AGPAT1: variants seen among roughly 807,000 people sequenced by gnomAD.
AGPAT1 encodes 1-acylglycerol-3-phosphate O-acyltransferase 1, also known as 1-acyl-sn-glycerol-3-phosphate acyltransferase alpha.
Under a neutral mutation model 31.2 loss-of-function variants are expected in AGPAT1, and 6 were observed. That is an observed-to-expected ratio of 0.19 (90% CI 0.11 to 0.38). AGPAT1 has a LOEUF of 0.38. Among genes scored for constraint, AGPAT1 ranks in the 10% least tolerant of loss-of-function variants. AGPAT1 has a pLI of 1.00. For synonymous variants in AGPAT1, 139 were observed against 154.0 expected (o/e 0.90, Z 0.72); for missense variants, 187 against 377.8 (o/e 0.49, Z 4.19).
Position 32,170,904 on chromosome 6 carries a change from C to G in AGPAT1, c.334+33G>C, listed in dbSNP as rs1279364008. The stretch of plus-strand genomic sequence containing the variant: ...GAAGGTTTCAGGAGGGGAGGCATGG[C>G]TGGGGGAGGTGTGCCCTGTGGTGGG... On this transcript the variant is annotated intron_variant, in intron 3 of 6. Coordinates refer to ENST00000375107, the MANE Select transcript of AGPAT1 (RefSeq NM_006411.4). The surrounding 1 kb of genome is among the most constrained non-coding windows in gnomAD (Gnocchi z 7.7). 6.3e-7 allele frequency: 1 copy of G among 1,593,210 alleles called. No individual in the cohort carries two copies. The highest frequency in any genetic ancestry group is 8.6e-7 in the Non-Finnish European group (1 of 1,166,108).
chr6:32,175,749 T>C lies in AGPAT1; in HGVS notation c.-10+65A>G. The C allele has an allele frequency of 1.1e-6, 1 of 880,998 alleles. No homozygotes were observed. The highest frequency in any genetic ancestry group is 1.4e-6 in the Non-Finnish European group (1 of 734,676). The allele number at this position is 880,998 out of a possible 1,614,324, so 54.6% of individuals were successfully genotyped here. ...CCCTCCCAGACCCAATCTCTCCCCT[T>C]CCCCTCATCCTAGTCGCTTTCAGCA... On this transcript the variant is annotated intron_variant, in intron 1 of 6. Coordinates refer to ENST00000375107, the MANE Select transcript of AGPAT1 (RefSeq NM_006411.4). The surrounding 1 kb of genome is among the most constrained non-coding windows in gnomAD (Gnocchi z 4.5).
Position 32,168,213 on chromosome 6 carries a change from C to T in AGPAT1, c.*1063G>A. The T allele has an allele frequency of 8.4e-6, 4 of 473,466 alleles. No individual in the cohort carries two copies. The highest frequency in any genetic ancestry group is 1.5e-5 in the Non-Finnish European group (4 of 264,140). The allele number at this position is 473,466 out of a possible 1,614,324, so 29.3% of individuals were successfully genotyped here. A position where few individuals can be genotyped will look rare whatever the true frequency, so the allele number is the denominator to read the frequency against. On this transcript the variant is annotated 3_prime_UTR_variant, in exon 7 of 7. Transcript: ENST00000375107. This position sits in a 1 kb window ranked among gnomAD's most constrained non-coding sequence, Gnocchi z 4.5. Reference sequence around the variant, plus strand: ...CAAATGCAACCACCAACACCCAGATCTCTCTCTCTCTTTATTTTCAGTTTT... The same window carrying T: ...CAAATGCAACCACCAACACCCAGATTTCTCTCTCTCTTTATTTTCAGTTTT...
In AGPAT1 at chr6:32,170,092, A is replaced by G; in HGVS notation, c.607-54T>C. 1 of 1,609,788 alleles carries G rather than the reference A, an allele frequency of 6.2e-7. No individual in the cohort carries two copies. Among genetic ancestry groups the G allele is most frequent in the South Asian group, 1.1e-5 (1 of 90,956 alleles). On this transcript the variant is annotated intron_variant, in intron 5 of 6. Coordinates refer to ENST00000375107, the MANE Select transcript of AGPAT1 (RefSeq NM_006411.4). This position sits in a 1 kb window ranked among gnomAD's most constrained non-coding sequence, Gnocchi z 7.7. ...ACAGCTCTCTTCAGAGACTCCTACA[A>G]TAAGCCCCTGCCCAGAGATGAGGGA...
At position 32,169,837 on chromosome 6, in the gene AGPAT1, T is replaced by C. The variant is rs1784905510; in HGVS notation, c.679+129A>G. 2.4e-6 allele frequency: 2 copies of C among 844,890 alleles called. No homozygotes were observed. The highest frequency in any genetic ancestry group is 3.4e-5 in the African/African-American group (2 of 59,376). The allele number at this position is 844,890 out of a possible 1,614,324, so 52.3% of individuals were successfully genotyped here. ...TGCTTAGTAAAGACTTATTGGCTGA[T>C]GTGGGGTTAGACTAGATGACTGTGT... On this transcript the variant is annotated intron_variant, in intron 6 of 6. Coordinates refer to ENST00000375107, the MANE Select transcript of AGPAT1 (RefSeq NM_006411.4). This position sits in a 1 kb window ranked among gnomAD's most constrained non-coding sequence, Gnocchi z 5.9.
At chr6:32,177,781 C>G (rs1306125100), upstream of AGPAT1, 1 of 152,140 alleles carries the variant, frequency 6.6e-6, no homozygotes, top group Non-Finnish European at 1.5e-5. Context: ...TTCCCGATGT[C>G]GGCCAATCAG....
rs370644269 is a variant in AGPAT1 at position 32,171,588 on chromosome 6, G to A, written c.-9-83C>T. The A allele has an allele frequency of 6.6e-7, 1 of 1,512,146 alleles. No individual in the cohort carries two copies. Among genetic ancestry groups the A allele is most frequent in the Non-Finnish European group, 8.8e-7 (1 of 1,130,620 alleles). 93.7% of individuals were successfully genotyped at this position (1,512,146 alleles called of 1,614,324 possible). On this transcript the variant is annotated intron_variant, in intron 1 of 6. Transcript: ENST00000375107. This position sits in a 1 kb window ranked among gnomAD's most constrained non-coding sequence, Gnocchi z 6.9. The stretch of plus-strand genomic sequence containing the variant: ...CAAGGCACAGAAGGCAGGGCTGGGG[G>A]CTGGTGCTATGAGGACAAGGGCCTG...
In AGPAT1 at chr6:32,175,556, A is replaced by G. The variant is rs1331421633; in HGVS notation, c.-10+258T>C. ...GGAAGGTGTAGGGAATTCCCTCTCC[A>G]GGATTCCCTGTGCACGCTCCCAGTC... is the stretch of plus-strand genomic sequence containing the variant. On this transcript the variant is annotated intron_variant, in intron 1 of 6. Transcript: ENST00000375107. The surrounding 1 kb of genome is among the most constrained non-coding windows in gnomAD (Gnocchi z 4.5). 1.3e-5 allele frequency among the ~76,000 whole-genome samples: 2 copies of G among 151,996 alleles called. No individual in the cohort carries two copies. The highest frequency in any genetic ancestry group is 2.9e-5 in the Non-Finnish European group (2 of 67,968).
Position 32,168,292 on chromosome 6 carries a change from C to T in AGPAT1, c.*984G>A. On this transcript the variant is annotated 3_prime_UTR_variant, in exon 7 of 7. Transcript: ENST00000375107. The surrounding 1 kb of genome is among the most constrained non-coding windows in gnomAD (Gnocchi z 4.5). ...ACCAACCACGCAAAACTGGGTCCCACCCTCTCCTTTTGCTCCCAGCCTACC... is the reference window on the plus strand; with the variant it reads ...ACCAACCACGCAAAACTGGGTCCCATCCTCTCCTTTTGCTCCCAGCCTACC... The T allele has an allele frequency of 3.2e-6, 1 of 313,238 alleles. No homozygotes were observed. Among genetic ancestry groups the T allele is most frequent in the Admixed American group, 4.5e-5 (1 of 22,258 alleles). 19.4% of individuals were successfully genotyped at this position (313,238 alleles called of 1,614,324 possible). A position where few individuals can be genotyped will look rare whatever the true frequency, so the allele number is the denominator to read the frequency against.
Position 32,170,494 on chromosome 6 carries a change from G to A in AGPAT1, c.441C>T (p.Ile147=), listed in dbSNP as rs751205377. The A allele has an allele frequency of 6.2e-6, 10 of 1,613,044 alleles. No individual in the cohort carries two copies. The highest frequency in any genetic ancestry group is 5.5e-5 in the South Asian group (5 of 91,084). Residue 147 remains isoleucine, a synonymous_variant, in exon 4 of 7, where the codon ATC becomes ATT. Coordinates refer to ENST00000375107, the MANE Select transcript of AGPAT1 (RefSeq NM_006411.4). The surrounding 1 kb of genome is among the most constrained non-coding windows in gnomAD (Gnocchi z 7.7). The part of the protein sequence containing the change: ...LACWLAGVIF[I]DRKRTGDAIS... Reference sequence around the variant, plus strand: ...TGGCATCCCCCGTGCGCTTCCGGTCGATGAAGATGACTCCTGCCAGCCAGC... The same window carrying A: ...TGGCATCCCCCGTGCGCTTCCGGTCAATGAAGATGACTCCTGCCAGCCAGC...
Position 32,171,416 on chromosome 6 carries a change from G to A in AGPAT1, c.81C>T (p.Phe27=). 1 of 1,613,166 alleles carries A rather than the reference G, an allele frequency of 6.2e-7. No homozygotes were observed. Among genetic ancestry groups the A allele is most frequent in the Non-Finnish European group, 8.5e-7 (1 of 1,180,036 alleles). Residue 27 remains phenylalanine, a synonymous_variant, in exon 2 of 7, where the codon TTC becomes TTT. Coordinates refer to ENST00000375107, the MANE Select transcript of AGPAT1 (RefSeq NM_006411.4). The surrounding 1 kb of genome is among the most constrained non-coding windows in gnomAD (Gnocchi z 6.9). ...AGAAGTACTTGGCACTGGGGCTGCA[G>A]AACCACAGGGTGGGCAGCAGGAAGA... ...LLLFLLPTLW[F]CSPSAKYFFK...
rs1362626193 is a variant in AGPAT1, at chr6:32,171,526, G to T, written c.-9-21C>A. ...GCCACCTGCAGGGGATGGGGCAAGG[G>T]ACAATCAGCCTGGTTTCTGGAGGAG... is the stretch of plus-strand genomic sequence containing the variant. On this transcript the variant is annotated intron_variant, in intron 1 of 6. Coordinates refer to ENST00000375107, the MANE Select transcript of AGPAT1 (RefSeq NM_006411.4). This position sits in a 1 kb window ranked among gnomAD's most constrained non-coding sequence, Gnocchi z 6.9. The T allele has an allele frequency of 1.9e-6, 3 of 1,549,624 alleles. No homozygotes were observed. Among genetic ancestry groups the T allele is most frequent in the Non-Finnish European group, 1.7e-6 (2 of 1,151,192 alleles).
At position 32,175,293 on chromosome 6, in the gene AGPAT1, CA is replaced by C. The variant is rs1166748538; in HGVS notation, c.-10+520del. Among the ~76,000 whole-genome samples, 1 of 152,118 alleles carries C rather than the reference CA, an allele frequency of 6.6e-6. No individual in the cohort carries two copies. Among genetic ancestry groups the C allele is most frequent in the Non-Finnish European group, 1.5e-5 (1 of 68,008 alleles). On this transcript the variant is annotated intron_variant, in intron 1 of 6. Transcript: ENST00000375107. This position sits in a 1 kb window ranked among gnomAD's most constrained non-coding sequence, Gnocchi z 4.5. ...AGCATTGGGACAACCTAGTTGCACA[CA>C]AGCCATTAAACATGTCAAAGGCACA... is the stretch of plus-strand genomic sequence containing the variant.
chr6:32,175,870 CGGT>C lies in AGPAT1; in HGVS notation c.-69_-67del. ...CCCCTCCCCAGCCAGGCTGCGGCAG[CGGT>C]GGTGGCGGATGGCTGTGTCTCTGTC... On this transcript the variant is annotated 5_prime_UTR_variant, in exon 1 of 7. Transcript: ENST00000375107. This position sits in a 1 kb window ranked among gnomAD's most constrained non-coding sequence, Gnocchi z 4.5. 1.0e-6 allele frequency: 1 copy of C among 986,400 alleles called. No homozygotes were observed. The highest frequency in any genetic ancestry group is 1.2e-6 in the Non-Finnish European group (1 of 830,712). 61.1% of individuals were successfully genotyped at this position (986,400 alleles called of 1,614,324 possible).
Position 32,170,665 on chromosome 6 carries a change from C to A in AGPAT1, c.335-65G>T. The A allele has an allele frequency of 6.4e-7, 1 of 1,554,716 alleles. No individual in the cohort carries two copies. On this transcript the variant is annotated intron_variant, in intron 3 of 6. Transcript: ENST00000375107. This position sits in a 1 kb window ranked among gnomAD's most constrained non-coding sequence, Gnocchi z 7.7. The stretch of plus-strand genomic sequence containing the variant: ...CAGAGTGTCACAGAAGGCAACCCAC[C>A]TCACCCAGCTCATCACCCTCTGGTA...
chr6:32,176,906 C>A (rs545310641), upstream of AGPAT1: 21 of 397,672 alleles, frequency 5.3e-5, 1 homozygote, highest in East Asian at 7.5e-4. Flanking sequence ...CTCTGGAATG[C>A]GCGTGCCTCC....
In AGPAT1 at chr6:32,172,237, G is replaced by A. The variant is rs1439979431; in HGVS notation, c.-9-732C>T. Among the ~76,000 whole-genome samples, 8 of 152,126 alleles carry A rather than the reference G, an allele frequency of 5.3e-5. No individual in the cohort carries two copies. Among genetic ancestry groups the A allele is most frequent in the African/African-American group, 1.4e-4 (6 of 41,524 alleles). The stretch of plus-strand genomic sequence containing the variant: ...TGAGGCAGGAGAATCGCTTGAATCC[G>A]GGAGGCGGAGGTTGCAGTGAGCCAA... On this transcript the variant is annotated intron_variant, in intron 1 of 6. Transcript: ENST00000375107. The surrounding 1 kb of genome is among the most constrained non-coding windows in gnomAD (Gnocchi z 4.3).
In AGPAT1 at chr6:32,175,996, C is replaced by T; in HGVS notation, c.-192G>A. The stretch of plus-strand genomic sequence containing the variant: ...TGGGAGTGGGAGGTTGGGCCCATAG[C>T]GGTAGGAATGGTGGGGGGCTGTCCC... On this transcript the variant is annotated 5_prime_UTR_variant, in exon 1 of 7. Coordinates refer to ENST00000375107, the MANE Select transcript of AGPAT1 (RefSeq NM_006411.4). The surrounding 1 kb of genome is among the most constrained non-coding windows in gnomAD (Gnocchi z 4.5). The T allele has an allele frequency of 1.0e-6, 1 of 985,460 alleles. No individual in the cohort carries two copies. The highest frequency in any genetic ancestry group is 1.2e-6 in the Non-Finnish European group (1 of 830,030). 61.0% of individuals were successfully genotyped at this position (985,460 alleles called of 1,614,324 possible).
rs1785344240 is a variant in AGPAT1 at position 32,174,307 on chromosome 6, G to A, written c.-10+1507C>T. ...ACAAATTAGATAGTTATCCTCTTGA[G>A]TAGAAGTGACTACTAAAAGAAGTCA... On this transcript the variant is annotated intron_variant, in intron 1 of 6. Transcript: ENST00000375107. The surrounding 1 kb of genome is among the most constrained non-coding windows in gnomAD (Gnocchi z 4.5). 6.6e-6 allele frequency among the ~76,000 whole-genome samples: 1 copy of A among 152,192 alleles called. No homozygotes were observed. The highest frequency in any genetic ancestry group is 1.5e-5 in the Non-Finnish European group (1 of 68,038).
In AGPAT1 at chr6:32,169,723, G is replaced by A. The variant is rs1784892078; in HGVS notation, c.679+243C>T. On this transcript the variant is annotated intron_variant, in intron 6 of 6. Transcript: ENST00000375107. The surrounding 1 kb of genome is among the most constrained non-coding windows in gnomAD (Gnocchi z 5.9). ...AATGAGTGTTATTCATTACAGCTTT[G>A]TGCACACAGGCCTTATCTTTCCTGT... 6.6e-6 allele frequency among the ~76,000 whole-genome samples: 1 copy of A among 152,050 alleles called. No homozygotes were observed.
Sources: allele counts gnomAD v4.1 joint callset (sites outside exome capture counted in the v4.1 genomes callset), GRCh38; gene constraint gnomAD v4.1.1; non-coding constraint Gnocchi (gnomAD v3.1); transcripts MANE v1.5; gene names NCBI Gene and HGNC (gene_info 2026-07-23, HGNC 2026-07-21).